Variants in PALM observed in about 807,000 individuals in gnomAD.
PALM encodes paralemmin, also known as paralemmin-1.
PALM carries 18 observed loss-of-function variants against 30.7 expected under a neutral mutation model. The ratio of observed to expected loss-of-function variants is 0.59; its 90% CI spans 0.41 to 0.87. PALM has a LOEUF of 0.87. Among genes scored for constraint, PALM ranks in the 40% least tolerant of loss-of-function variants. The probability of loss-of-function intolerance (pLI) is 0.00; values close to 1 mark genes in which losing one functional copy is unlikely to be tolerated. For synonymous variants in PALM, 286 were observed against 242.8 expected (o/e 1.18, Z -1.66); for missense variants, 529 against 555.4 (o/e 0.95, Z 0.48).
At chr19:732,190 G>A (rs552172674) in intron 5 of PALM, among the ~76,000 whole-genome samples, 2 of 152,174 alleles carry the variant, frequency 1.3e-5, no homozygotes, top group African/African-American at 2.4e-5. Context: ...CCAGGCTGGG[G>A]TTTTCATGGT....
intron 4 of PALM, 154 bp downstream of exon 4, chr19:727,848 A>C (rs2032739444): frequency 2.8e-6 from 2 of 704,738 alleles, no homozygotes; most frequent in African/African-American, 3.6e-5. Context: ...AGGGGGACGC[A>C]GGACGGGACA....
At position 726,953 on chromosome 19, in the gene PALM, G is replaced by A. The variant is rs985544886; in HGVS notation, c.58-55G>A. Reference sequence around the variant, plus strand: ...TGGGCAGAGCCTTGTGTGGGGGTGGGGGGGTCTCCGGGACCCCCACGCCCA... The same window carrying A: ...TGGGCAGAGCCTTGTGTGGGGGTGGAGGGGTCTCCGGGACCCCCACGCCCA... On this transcript the variant is annotated intron_variant, in intron 2 of 8. Coordinates refer to ENST00000338448, the MANE Select transcript of PALM (RefSeq NM_002579.3). 62 of 1,071,914 alleles carry A rather than the reference G, an allele frequency of 5.8e-5. No individual in the cohort carries two copies. In the African/African-American group the frequency reaches 6.4e-4, roughly 11 times the overall value. 66.4% of individuals were successfully genotyped at this position (1,071,914 alleles called of 1,614,324 possible). A position where few individuals can be genotyped will look rare whatever the true frequency, so the allele number is the denominator to read the frequency against.
chr19:712,285 A>G (rs1285607060), intron 1 of PALM, among the ~76,000 whole-genome samples: 3 of 150,618 alleles, frequency 2.0e-5, no homozygotes, highest in Admixed American at 1.3e-4. Context: ...GGCCTCCCCA[A>G]AGTGTTGGGA....
At position 736,022 on chromosome 19, in the gene PALM, A is replaced by G. The variant is rs141526024; in HGVS notation, c.446A>G (p.Lys149Arg). Residue 149 changes from lysine to arginine, a missense_variant, in exon 7 of 9, where the codon AAG becomes AGG. Transcript: ENST00000338448. ...TCCGCTTCCACCTCCCGTGCAGACA[A>G]GCGAGTCTCCAACACGCCCCTGAGG... ...QQTPVGTPKD[K>R]RVSNTPLRTV... 3 of 1,609,272 alleles carry G rather than the reference A, an allele frequency of 1.9e-6. No individual in the cohort carries two copies. Among genetic ancestry groups the G allele is most frequent in the South Asian group, 1.1e-5 (1 of 90,382 alleles).
chr19:734,309 C>A, intron 6 of PALM, 115 bp downstream of exon 6: 1 of 1,009,084 alleles, frequency 9.9e-7, no homozygotes. Context: ...CCTGTGATCC[C>A]AGCACTTTGG....
intron 6 of PALM, chr19:734,802 A>G: frequency 6.4e-6 from 1 of 156,716 alleles, no homozygotes; most frequent in Non-Finnish European, 1.4e-5. Flanking sequence ...ACTGCACCCC[A>G]GCCTGGGCGA....
At chr19:724,576 C>T (rs986431496) in intron 1 of PALM, among the ~76,000 whole-genome samples, 1 of 151,588 alleles carries the variant, frequency 6.6e-6, no homozygotes, top group Non-Finnish European at 1.5e-5. Context: ...CCACCTCAGC[C>T]TCCCAAAGTG....
At chr19:726,985 A>ACCCCCCCCCCCCCCCCCCCCCC in intron 2 of PALM, 23 bp from the exon 3 acceptor site, 2 of 945,362 alleles carry the variant, frequency 2.1e-6, no homozygotes, top group East Asian at 3.1e-5. Flanking sequence ...CCCATCCCTG[A>ACCCCCCCCCCCCCCCCCCCCCC]CCCCACCCGG....
At chr19:727,263 A>C (rs1355508528) in intron 3 of PALM, among the ~76,000 whole-genome samples, 175 bp downstream of exon 3, 77 of 52,164 alleles carry the variant, frequency 1.5e-3, no homozygotes, top group Non-Finnish European at 2.2e-3. Context: ...CCTGACCCCA[A>C]CCTGACCCCG....
At chr19:740,592 G>T (rs564834316) in intron 8 of PALM, 109 bp downstream of exon 8, 13 of 1,062,010 alleles carry the variant, frequency 1.2e-5, no homozygotes, top group Non-Finnish European at 1.6e-5. Context: ...ACCCCGATTC[G>T]ATGTGAAGCA....
chr19:745,279 T>G (rs1406143697), intron 8 of PALM, among the ~76,000 whole-genome samples: 1 of 152,244 alleles, frequency 6.6e-6, no homozygotes, highest in African/African-American at 2.4e-5. Flanking sequence ...GAGCAGGGGT[T>G]TGGCTCTGTG....
Position 736,088 on chromosome 19 carries a change from C to A in PALM, c.502+10C>A. ...CCCATGATGAAGGCAGGTGGGTTGG[C>A]CCCCAGGCTCTGGGCCCCAGATCCA... On this transcript the variant is annotated intron_variant, in intron 7 of 8. Transcript: ENST00000338448. 1.9e-6 allele frequency: 3 copies of A among 1,600,548 alleles called. No homozygotes were observed. Among genetic ancestry groups the A allele is most frequent in the Non-Finnish European group, 2.6e-6 (3 of 1,171,950 alleles).
chr19:745,951 A>C (rs2033325520), intron 8 of PALM, among the ~76,000 whole-genome samples: 1 of 152,058 alleles, frequency 6.6e-6, no homozygotes, highest in African/African-American at 2.4e-5. Flanking sequence ...CCAGCTACTC[A>C]GGAGGCTGAG....
At chr19:717,330 C>T (rs1008501791) in intron 1 of PALM, among the ~76,000 whole-genome samples, 4 of 152,114 alleles carry the variant, frequency 2.6e-5, no homozygotes, top group Admixed American at 6.6e-5. Context: ...CCCCAGCCCT[C>T]GGGGAGCCAG....
chr19:716,821 C>T (rs1279130368), intron 1 of PALM, among the ~76,000 whole-genome samples: 1 of 152,130 alleles, frequency 6.6e-6, no homozygotes, highest in Non-Finnish European at 1.5e-5. Context: ...TATGTATACA[C>T]ACGTCTGTAT....
In PALM at chr19:731,089, C is replaced by G; in HGVS notation, c.270-6C>G. On this transcript the variant is annotated splice_region_variant and splice_polypyrimidine_tract_variant and intron_variant, in intron 4 of 8. Coordinates refer to ENST00000338448, the MANE Select transcript of PALM (RefSeq NM_002579.3). ...AGTCACCCTCACAGGCACACCCTCTCCCCAGGTTGGAGAAGGAAATTGAGG... is the reference window on the plus strand; with the variant it reads ...AGTCACCCTCACAGGCACACCCTCTGCCCAGGTTGGAGAAGGAAATTGAGG... The G allele has an allele frequency of 6.3e-7, 1 of 1,575,004 alleles. No homozygotes were observed. Among genetic ancestry groups the G allele is most frequent in the Non-Finnish European group, 8.6e-7 (1 of 1,159,592 alleles).
At chr19:718,836 C>T (rs2032357174) in intron 1 of PALM, among the ~76,000 whole-genome samples, 1 of 151,968 alleles carries the variant, frequency 6.6e-6, no homozygotes, top group Non-Finnish European at 1.5e-5. Context: ...GAGGGGCTGA[C>T]ATTGGGGCTT....
chr19:739,636 G>A (rs973242705), intron 7 of PALM, among the ~76,000 whole-genome samples: 4 of 152,118 alleles, frequency 2.6e-5, no homozygotes, highest in Admixed American at 1.3e-4. Context: ...AGCTGTGATC[G>A]TGCCGCTCCA....
chr19:743,049 G>T (rs779331185), intron 8 of PALM, among the ~76,000 whole-genome samples: 2 of 152,106 alleles, frequency 1.3e-5, no homozygotes, highest in African/African-American at 4.8e-5. Flanking sequence ...CCTCACCAGC[G>T]CTCGTAGCCC....
Sources: allele counts gnomAD v4.1 joint callset (sites outside exome capture counted in the v4.1 genomes callset), GRCh38; gene constraint gnomAD v4.1.1; transcripts MANE v1.5; gene names NCBI Gene and HGNC (gene_info 2026-07-23, HGNC 2026-07-21).